Variants in CNTNAP2 observed in about 807,000 individuals in gnomAD.
CNTNAP2 encodes the protein contactin-associated protein-like 2.
In CNTNAP2, 98 loss-of-function variants were observed where a neutral mutation model predicts 155.2. The ratio of observed to expected loss-of-function variants is 0.63; its 90% confidence interval spans 0.54 to 0.75. The LOEUF (loss-of-function observed/expected upper bound fraction) is 0.75, where lower values mean the gene tolerates loss of function less well. CNTNAP2 is among the 30% of genes least tolerant of loss of function. The probability of loss-of-function intolerance (pLI) is 0.00; values close to 1 mark genes in which losing one functional copy is unlikely to be tolerated. For synonymous variants in CNTNAP2, 651 were observed against 631.2 expected (o/e 1.03, Z -0.47); for missense variants, 1,727 against 1,688.1 (o/e 1.02, Z -0.40).
intron 15 of CNTNAP2, among the ~76,000 whole-genome samples, chr7:147,987,651 A>G (rs1801642457): frequency 6.6e-6 from 1 of 152,134 alleles, no homozygotes. Flanking sequence ...GGTGGTTGGG[A>G]CACAGCTTGG....
At chr7:146,772,915 G>A (rs554009406) in intron 1 of CNTNAP2, among the ~76,000 whole-genome samples, 2 of 152,234 alleles carry the variant, frequency 1.3e-5, no homozygotes, top group African/African-American at 2.4e-5. Context: ...AGCTGCTGCC[G>A]GCAAAACTAT....
At chr7:146,141,588 ATTAT>A (rs1395554793) in intron 1 of CNTNAP2, among the ~76,000 whole-genome samples, 2 of 152,192 alleles carry the variant, frequency 1.3e-5, no homozygotes, top group East Asian at 3.9e-4. Flanking sequence ...TCACTTGTGA[ATTAT>A]TTATTAATTG....
At chr7:147,639,059 A>G (rs1584872972) in intron 12 of CNTNAP2, 47 bp from the exon 13 acceptor site, 1 of 1,573,526 alleles carries the variant, frequency 6.4e-7, no homozygotes, top group African/African-American at 1.4e-5. Flanking sequence ...TTGGAGAAGC[A>G]TTTGCATACT....
intron 14 of CNTNAP2, among the ~76,000 whole-genome samples, chr7:147,964,659 C>T (rs1362240967): frequency 6.6e-6 from 1 of 152,132 alleles, no homozygotes; most frequent in African/African-American, 2.4e-5. Context: ...GGTGTAGGCT[C>T]CTTACTCCTT....
At chr7:146,959,828 T>C (rs941988322) in intron 3 of CNTNAP2, among the ~76,000 whole-genome samples, 2 of 151,780 alleles carry the variant, frequency 1.3e-5, no homozygotes, top group Non-Finnish European at 2.9e-5. Flanking sequence ...TCAAGAAGGA[T>C]AAGGTCAAAT....
intron 13 of CNTNAP2, among the ~76,000 whole-genome samples, chr7:147,702,621 A>G (rs1257754118): frequency 6.6e-6 from 1 of 152,098 alleles, no homozygotes; most frequent in Non-Finnish European, 1.5e-5. Context: ...AGTTCAGACC[A>G]GAAAAAGTAA....
intron 13 of CNTNAP2, among the ~76,000 whole-genome samples, chr7:147,882,145 G>GA (rs201282469): frequency 1.7e-4 from 25 of 150,306 alleles, no homozygotes; most frequent in East Asian, 5.8e-4. Flanking sequence ...AACATAATCA[G>GA]AAAAAAAAAT....
intron 15 of CNTNAP2, among the ~76,000 whole-genome samples, chr7:148,082,602 G>C (rs1427689740): frequency 6.6e-6 from 1 of 152,114 alleles, no homozygotes; most frequent in African/African-American, 2.4e-5. Context: ...AGGGAGGTGG[G>C]GGATTCGCAG....
intron 1 of CNTNAP2, among the ~76,000 whole-genome samples, chr7:146,144,910 G>A (rs1242262651): frequency 2.0e-5 from 3 of 152,092 alleles, no homozygotes; most frequent in Non-Finnish European, 4.4e-5. Context: ...AAGGGCTTAG[G>A]TATAATGGAA....
intron 4 of CNTNAP2, among the ~76,000 whole-genome samples, chr7:147,077,708 G>A (rs576318084): frequency 1.3e-5 from 2 of 152,134 alleles, no homozygotes; most frequent in East Asian, 3.9e-4. Context: ...GCTTCCTTGG[G>A]CAAGTTACTT....
chr7:146,199,655 T>C (rs959230140), intron 1 of CNTNAP2, among the ~76,000 whole-genome samples: 5 of 152,274 alleles, frequency 3.3e-5, no homozygotes, highest in African/African-American at 1.2e-4. Flanking sequence ...TAAAAATAAA[T>C]GTTCCATTTG....
chr7:148,247,212 T>TA (rs1796277426), intron 20 of CNTNAP2, among the ~76,000 whole-genome samples: 2 of 152,340 alleles, frequency 1.3e-5, no homozygotes, highest in African/African-American at 4.8e-5. Context: ...CTGCTTATAT[T>TA]ACTAGTTATG....
intron 15 of CNTNAP2, among the ~76,000 whole-genome samples, chr7:148,084,658 A>G (rs1449894195): frequency 6.6e-6 from 1 of 152,168 alleles, no homozygotes; most frequent in Non-Finnish European, 1.5e-5. Flanking sequence ...GCTTAATTGT[A>G]TTAATTCACT....
chr7:148,327,248 A>G (rs1408088590), intron 21 of CNTNAP2, among the ~76,000 whole-genome samples: 4 of 152,124 alleles, frequency 2.6e-5, no homozygotes, highest in Non-Finnish European at 5.9e-5. Context: ...GCCTGAGTCT[A>G]TGTGCCACCA....
Position 147,468,118 on chromosome 7 carries a change from C to A in CNTNAP2, c.1671-17817C>A, listed in dbSNP as rs183618043. Among the ~76,000 whole-genome samples the A allele has an allele frequency of 3.7e-3, 551 of 148,524 alleles. 5 individuals carry two copies. Among genetic ancestry groups the A allele is most frequent in the African/African-American group, 0.01 (421 of 40,498 alleles). ...GGGCAACATAGAGACCCCATCTCTACAAAAAAAAAATTTAAAAATATAATT... is the reference window on the plus strand; with the variant it reads ...GGGCAACATAGAGACCCCATCTCTAAAAAAAAAAAATTTAAAAATATAATT... On this transcript the variant is annotated intron_variant, in intron 10 of 23. Transcript: ENST00000361727.
intron 3 of CNTNAP2, among the ~76,000 whole-genome samples, chr7:147,036,010 G>T (rs1296883149): frequency 6.6e-6 from 1 of 152,158 alleles, no homozygotes; most frequent in Non-Finnish European, 1.5e-5. Flanking sequence ...TCAACTGGCT[G>T]GAAAGTCTTA....
chr7:147,542,954 G>T (rs1323473670), intron 11 of CNTNAP2, among the ~76,000 whole-genome samples: 1 of 152,090 alleles, frequency 6.6e-6, no homozygotes, highest in Non-Finnish European at 1.5e-5. Flanking sequence ...TTTCCTTTGG[G>T]GATAATGATA....
chr7:148,171,380 C>G (rs1320766600), intron 17 of CNTNAP2, among the ~76,000 whole-genome samples: 2 of 152,146 alleles, frequency 1.3e-5, no homozygotes, highest in Non-Finnish European at 2.9e-5. Context: ...AAGATGCAAG[C>G]ATGTATATAA....
intron 3 of CNTNAP2, among the ~76,000 whole-genome samples, chr7:147,041,315 T>C (rs979587382): frequency 6.6e-6 from 1 of 152,164 alleles, no homozygotes; most frequent in Non-Finnish European, 1.5e-5. Flanking sequence ...GTTCAAAAAT[T>C]CATTTTACCA....
Sources: allele counts gnomAD v4.1 joint callset (sites outside exome capture counted in the v4.1 genomes callset), GRCh38; gene constraint gnomAD v4.1.1; transcripts MANE v1.5; gene names NCBI Gene and HGNC (gene_info 2026-07-23, HGNC 2026-07-21).